CEP85L: variants seen among roughly 807,000 people sequenced by gnomAD.
The protein encoded by CEP85L is centrosomal protein 85L.
A neutral mutation model predicts 100.3 loss-of-function variants in CEP85L; 60 were observed. The observed-to-expected ratio is 0.60, with a 90% confidence interval of 0.49 to 0.74. The LOEUF (loss-of-function observed/expected upper bound fraction) is 0.74. CEP85L is among the 30% of genes least tolerant of loss of function. CEP85L has a pLI of 0.00. For missense variants in CEP85L, 973 were observed against 936.2 expected (o/e 1.04, Z -0.51); for synonymous variants, 319 against 322.7 (o/e 0.99, Z 0.12).
At chr6:118,703,575 A>G (rs1777498455) in intron 1 of CEP85L, among the ~76,000 whole-genome samples, 2 of 152,248 alleles carry the variant, frequency 1.3e-5, no homozygotes, top group South Asian at 4.1e-4. Context: ...CAAAAATAGC[A>G]TATAATCTCT....
At chr6:118,589,576 C>G (rs1040946914) in intron 2 of CEP85L, 6 of 258,416 alleles carry the variant, frequency 2.3e-5, no homozygotes, top group African/African-American at 1.4e-4. Flanking sequence ...CCACGGACTG[C>G]GAGAGAGAAA....
chr6:118,540,455 G>T (rs924880593), intron 3 of CEP85L, among the ~76,000 whole-genome samples: 11 of 152,094 alleles, frequency 7.2e-5, no homozygotes, highest in African/African-American at 2.7e-4. Flanking sequence ...ACCTATGTTT[G>T]ATTAAAAATC....
chr6:118,592,278 T>C (rs1781231198), intron 2 of CEP85L, among the ~76,000 whole-genome samples: 1 of 150,508 alleles, frequency 6.6e-6, no homozygotes, highest in Non-Finnish European at 1.5e-5. Flanking sequence ...GAAACTCGTC[T>C]CCACCACTTG....
intron 1 of CEP85L, among the ~76,000 whole-genome samples, chr6:118,701,604 T>C (rs557611600): frequency 2.0e-5 from 3 of 152,222 alleles, no homozygotes; most frequent in East Asian, 1.9e-4. Context: ...ATGGCAATGA[T>C]AGAAACTGAA....
intron 2 of CEP85L, among the ~76,000 whole-genome samples, chr6:118,624,817 C>T (rs2115291870): frequency 6.6e-6 from 1 of 152,296 alleles, no homozygotes; most frequent in East Asian, 1.9e-4. Context: ...AACAACATGT[C>T]CAACAAGTAA....
intron 2 of CEP85L, among the ~76,000 whole-genome samples, chr6:118,606,962 T>C (rs999609469): frequency 9.2e-5 from 14 of 152,150 alleles, no homozygotes; most frequent in African/African-American, 3.1e-4. Context: ...AAGAAATTCT[T>C]ACTCTTTTGC....
In CEP85L at chr6:118,614,889, T is replaced by C. The variant is rs182582627; in HGVS notation, c.232+17564A>G. Reference sequence around the variant, plus strand: ...ACAGATAGATAGATAGATAGATAGATAGATAGATAGATAGATAGATTTTTT... The same window carrying C: ...ACAGATAGATAGATAGATAGATAGACAGATAGATAGATAGATAGATTTTTT... On this transcript the variant is annotated intron_variant, in intron 2 of 12. Coordinates refer to ENST00000368491, the MANE Select transcript of CEP85L (RefSeq NM_001042475.3). 5.1e-3 allele frequency among the ~76,000 whole-genome samples: 737 copies of C among 143,462 alleles called. 5 individuals are homozygous for C. Among genetic ancestry groups the C allele is most frequent in the Middle Eastern group, 0.012 (3 of 260 alleles). The allele number at this position is 143,462 out of a possible 152,430, so 94.1% of individuals were successfully genotyped here.
intron 4 of CEP85L, among the ~76,000 whole-genome samples, chr6:118,516,293 G>T (rs1032268945): frequency 6.6e-6 from 1 of 152,132 alleles, no homozygotes; most frequent in African/African-American, 2.4e-5. Flanking sequence ...GGGTCAAATG[G>T]TATGTCTGGT....
intron 2 of CEP85L, among the ~76,000 whole-genome samples, chr6:118,572,460 T>C (rs1779957722): frequency 6.6e-6 from 1 of 151,466 alleles, no homozygotes; most frequent in Non-Finnish European, 1.5e-5. Flanking sequence ...TAGTCCCAGC[T>C]ACTTGGGAGG....
chr6:118,488,042 A>AT (rs1245681143), intron 6 of CEP85L, among the ~76,000 whole-genome samples: 1 of 152,118 alleles, frequency 6.6e-6, no homozygotes, highest in Non-Finnish European at 1.5e-5. Flanking sequence ...CAAAGATATG[A>AT]AAAGCCCCCC....
chr6:118,675,599 T>TA (rs35388600), intron 1 of CEP85L, among the ~76,000 whole-genome samples: 41,592 of 147,016 alleles, frequency 0.28, 6,178 homozygotes, highest in Non-Finnish European at 0.34. Context: ...TTGCTAGAAT[T>TA]AAAAAAAAAA....
intron 1 of CEP85L, among the ~76,000 whole-genome samples, chr6:118,706,932 C>T (rs1777610410): frequency 6.6e-6 from 1 of 152,184 alleles, no homozygotes; most frequent in African/African-American, 2.4e-5. Flanking sequence ...TTCCCTACCC[C>T]ATGGAGCTCT....
At chr6:118,615,875 C>T (rs967799734) in intron 2 of CEP85L, among the ~76,000 whole-genome samples, 2 of 152,210 alleles carry the variant, frequency 1.3e-5, no homozygotes, top group African/African-American at 2.4e-5. Context: ...AGTGATAGAA[C>T]GACTATAAAT....
Position 118,470,686 on chromosome 6 carries a change from T to G in CEP85L, c.1915-42A>C, listed in dbSNP as rs777878791. On this transcript the variant is annotated intron_variant, in intron 10 of 12. Transcript: ENST00000368491. ...AATTGGAAAGCAAAACAGGTTAACATGTAAAGAAAAATCTCAAACAGAAAG... is the reference window on the plus strand; with the variant it reads ...AATTGGAAAGCAAAACAGGTTAACAGGTAAAGAAAAATCTCAAACAGAAAG... The G allele has an allele frequency of 3.6e-5, 41 of 1,140,820 alleles. No individual in the cohort carries two copies. In the Middle Eastern group the frequency reaches 2.0e-3, roughly 56 times the overall value. 70.7% of individuals were successfully genotyped at this position (1,140,820 alleles called of 1,614,324 possible).
intron 10 of CEP85L, among the ~76,000 whole-genome samples, chr6:118,471,584 A>G (rs554323092): frequency 1.3e-5 from 2 of 152,054 alleles, no homozygotes; most frequent in African/African-American, 2.4e-5. Flanking sequence ...ATAAGACTCC[A>G]TAAATATAAA....
intron 3 of CEP85L, among the ~76,000 whole-genome samples, chr6:118,540,755 TAAATAAATA>T (rs1468823189): frequency 1.3e-3 from 26 of 19,556 alleles, no homozygotes; most frequent in Non-Finnish European, 2.8e-3. Flanking sequence ...GACCCCATCT[TAAATAAATA>T]AATAAATAAA....
intron 1 of CEP85L, among the ~76,000 whole-genome samples, chr6:118,666,007 C>T (rs1776121646): frequency 1.3e-5 from 2 of 152,184 alleles, no homozygotes; most frequent in East Asian, 3.8e-4. Context: ...CATATGATTG[C>T]TTGGTTAACA....
chr6:118,496,877 A>G (rs1467165675), intron 5 of CEP85L, among the ~76,000 whole-genome samples: 1 of 152,224 alleles, frequency 6.6e-6, no homozygotes, highest in Admixed American at 6.5e-5. Context: ...GTCAACAGAT[A>G]AAAGTGGCTG....
chr6:118,622,087 C>A (rs1274845382), intron 2 of CEP85L, among the ~76,000 whole-genome samples: 1 of 152,152 alleles, frequency 6.6e-6, no homozygotes, highest in African/African-American at 2.4e-5. Context: ...CAGGGGCATA[C>A]CTAAGTAAGG....
Sources: gnomAD v4.1 joint callset for allele counts (sites outside exome capture counted in the v4.1 genomes callset) on GRCh38, gnomAD v4.1.1 for gene constraint, MANE v1.5 for transcripts, NCBI Gene and HGNC (gene_info 2026-07-23, HGNC 2026-07-21) for gene names.